The following BCAS3 variants were observed in gnomAD, a reference collection of about 807,000 sequenced individuals.
The protein encoded by BCAS3 is BCAS3 microtubule associated cell migration factor.
BCAS3 carries 53 observed loss-of-function variants against 116.1 expected under a neutral mutation model. The ratio of observed to expected loss-of-function variants is 0.46; its 90% CI spans 0.37 to 0.57. The LOEUF (loss-of-function observed/expected upper bound fraction) is 0.57. BCAS3 is among the 20% of genes least tolerant of loss of function. The pLI, the probability that BCAS3 is intolerant of heterozygous loss-of-function variation, is 0.00. For missense variants in BCAS3, 917 were observed against 1,165.4 expected, an observed-to-expected ratio of 0.79 and a Z score of 3.10; for synonymous variants, 391 against 408.2, an observed-to-expected ratio of 0.96 and a Z score of 0.51.
chr17:61,179,680 G>A (rs1231833853), intron 22 of BCAS3, among the ~76,000 whole-genome samples: 1 of 152,130 alleles, frequency 6.6e-6, no homozygotes, highest in East Asian at 1.9e-4. Flanking sequence ...CTTTATGGTG[G>A]TATTAGTGGC....
At chr17:61,154,052 G>A (rs984062527) in intron 22 of BCAS3, among the ~76,000 whole-genome samples, 1 of 152,164 alleles carries the variant, frequency 6.6e-6, no homozygotes, top group Non-Finnish European at 1.5e-5. Context: ...CAAGGTTGAG[G>A]GAGTAAATGT....
intron 22 of BCAS3, among the ~76,000 whole-genome samples, chr17:61,329,094 C>G (rs2055991874): frequency 6.6e-6 from 1 of 151,012 alleles, no homozygotes; most frequent in African/African-American, 2.4e-5. Context: ...TGGGGTTTCA[C>G]CATGTTGGCC....
rs117368543 is a variant in BCAS3, at chr17:61,119,504, T to C, written c.2425+34940T>C. On this transcript the variant is annotated intron_variant, in intron 22 of 23. Transcript: ENST00000407086. ...TTTATTTATGAGATTTATTCTGAGA[T>C]AACTAGAAATAGAAAGATGTCTTCT... 2.2e-3 allele frequency among the ~76,000 whole-genome samples: 332 copies of C among 152,224 alleles called. 2 individuals are homozygous for C. Among genetic ancestry groups the C allele is most frequent in the Non-Finnish European group, 3.8e-3 (259 of 67,970 alleles).
chr17:60,705,512 C>CAAAAAAA (rs1033436210), intron 4 of BCAS3, among the ~76,000 whole-genome samples: 3 of 61,864 alleles, frequency 4.8e-5, no homozygotes, highest in Admixed American at 1.7e-4. Context: ...AGACTTGTCT[C>CAAAAAAA]AAAAAAAAAA....
intron 22 of BCAS3, among the ~76,000 whole-genome samples, chr17:61,184,028 A>G (rs1028705288): frequency 6.6e-6 from 1 of 152,216 alleles, no homozygotes; most frequent in Admixed American, 6.5e-5. Flanking sequence ...GCCGGTTTTC[A>G]ACACTGTTGA....
intron 3 of BCAS3, among the ~76,000 whole-genome samples, chr17:60,688,660 CA>C: frequency 6.6e-6 from 1 of 151,862 alleles, no homozygotes; most frequent in Admixed American, 6.6e-5. Context: ...ACCAAAAAGA[CA>C]AAAAATTAGC....
chr17:61,196,361 G>C lies in BCAS3; in HGVS notation c.2425+111797G>C, dbSNP rs1421423329. On this transcript the variant is annotated intron_variant, in intron 22 of 23. Transcript: ENST00000407086. This position sits in a 1 kb window ranked among gnomAD's most constrained non-coding sequence, Gnocchi z 4.7. ...TAGCGCGTAAAGCTGTTTGCATAGC[G>C]TGCTAACTCTATCAGGGTCATTTCC... is the stretch of plus-strand genomic sequence containing the variant. 6.6e-6 allele frequency among the ~76,000 whole-genome samples: 1 copy of C among 152,220 alleles called. No individual in the cohort carries two copies. The highest frequency in any genetic ancestry group is 1.5e-5 in the Non-Finnish European group (1 of 68,052).
chr17:61,301,469 T>C (rs2053428159), intron 22 of BCAS3, among the ~76,000 whole-genome samples: 1 of 151,970 alleles, frequency 6.6e-6, no homozygotes, highest in Non-Finnish European at 1.5e-5. Flanking sequence ...CCATCTCTGC[T>C]GGAAAAAAAT....
Position 61,361,407 on chromosome 17 carries a change from T to C in BCAS3, c.2426-6920T>C, listed in dbSNP as rs2058445670. Among the ~76,000 whole-genome samples the C allele has an allele frequency of 6.6e-6, 1 of 152,186 alleles. No individual in the cohort carries two copies. The highest frequency in any genetic ancestry group is 6.5e-5 in the Admixed American group (1 of 15,282). On this transcript the variant is annotated intron_variant, in intron 22 of 23. Transcript: ENST00000407086. The surrounding 1 kb of genome is among the most constrained non-coding windows in gnomAD (Gnocchi z 6.5). ...AAAGAAATTCTTAGTCCAATTGCCA[T>C]TGAACTCCTTTTCCCTGGCTCAGGA...
intron 8 of BCAS3, among the ~76,000 whole-genome samples, chr17:60,872,145 T>C (rs7218256): frequency 0.12 from 18,438 of 151,918 alleles, 3,397 homozygotes; most frequent in African/African-American, 0.4. Context: ...TGTTTGAATT[T>C]GTTGGTGTAG....
At chr17:60,827,018 A>G (rs1338836701) in intron 7 of BCAS3, among the ~76,000 whole-genome samples, 2 of 152,244 alleles carry the variant, frequency 1.3e-5, no homozygotes, top group Non-Finnish European at 2.9e-5. Flanking sequence ...TTTATACTCC[A>G]TAATATTTAT....
chr17:60,981,277 A>C (rs2062798731), intron 14 of BCAS3, among the ~76,000 whole-genome samples: 1 of 151,640 alleles, frequency 6.6e-6, no homozygotes, highest in Non-Finnish European at 1.5e-5. Flanking sequence ...TAGTGTTTTA[A>C]GTGTATTTTT....
At chr17:61,358,041 G>A (rs1568932633) in intron 22 of BCAS3, among the ~76,000 whole-genome samples, 1 of 150,504 alleles carries the variant, frequency 6.6e-6, no homozygotes, top group South Asian at 2.1e-4. Flanking sequence ...TGAGCTGAAA[G>A]CATGCCACTG....
intron 6 of BCAS3, among the ~76,000 whole-genome samples, chr17:60,805,575 C>T (rs1028591753): frequency 8.5e-5 from 13 of 152,114 alleles, no homozygotes; most frequent in Non-Finnish European, 1.5e-4. Flanking sequence ...CGCCTGTAAT[C>T]CCAGCACTTT....
intron 5 of BCAS3, among the ~76,000 whole-genome samples, chr17:60,733,707 C>T (rs1283661916): frequency 6.6e-6 from 1 of 151,950 alleles, no homozygotes; most frequent in Non-Finnish European, 1.5e-5. Flanking sequence ...GTTAGCTGGG[C>T]ATGGTGGCAT....
intron 11 of BCAS3, among the ~76,000 whole-genome samples, chr17:60,910,240 A>G (rs1376094843): frequency 2.0e-5 from 3 of 152,222 alleles, no homozygotes; most frequent in Non-Finnish European, 4.4e-5. Context: ...CTATAAAAAT[A>G]TAATTGTACC....
chr17:60,969,787 A>G (rs527858584), intron 14 of BCAS3, among the ~76,000 whole-genome samples: 2 of 152,354 alleles, frequency 1.3e-5, no homozygotes, highest in Non-Finnish European at 2.9e-5. Context: ...GTAGGCAGAC[A>G]AAAGTAATGC....
At chr17:61,246,792 A>T (rs941142882) in intron 22 of BCAS3, among the ~76,000 whole-genome samples, 3 of 144,128 alleles carry the variant, frequency 2.1e-5, no homozygotes, top group Admixed American at 6.9e-5. Context: ...TTTGAGTGAG[A>T]GTGTGTGTGT....
intron 1 of BCAS3, 25 bp from the exon 2 acceptor site, chr17:60,679,424 TTTTG>T (rs773898879): frequency 4.2e-5 from 65 of 1,535,402 alleles, no homozygotes; most frequent in African/African-American, 1.1e-4. Flanking sequence ...TTTTTCTGTT[TTTTG>T]TTTGTTTGTT....
Sources: allele counts gnomAD v4.1 joint callset (sites outside exome capture counted in the v4.1 genomes callset), GRCh38; gene constraint gnomAD v4.1.1; non-coding constraint Gnocchi (gnomAD v3.1); transcripts MANE v1.5; gene names NCBI Gene and HGNC (gene_info 2026-07-23, HGNC 2026-07-21).